The following EYS variants were observed in gnomAD, a reference collection of about 807,000 sequenced individuals.
EYS encodes the protein EGF-like photoreceptor maintenance factor.
In EYS, 250 loss-of-function variants were observed where a neutral mutation model predicts 282.1. The ratio of observed to expected loss-of-function variants is 0.89; its 90% confidence interval spans 0.80 to 0.98. EYS has a LOEUF of 0.98. EYS is among the 50% of genes least tolerant of loss of function. The pLI is 0.00. For synonymous variants in EYS, 1,355 were observed against 1,282.9 expected, an observed-to-expected ratio of 1.06 and a Z score of -1.20; for missense variants, 4,016 against 3,709.0, an observed-to-expected ratio of 1.08 and a Z score of -2.15.
At position 64,298,591 on chromosome 6, in the gene EYS, C is replaced by A. The variant is rs368827298; in HGVS notation, c.6191+8379G>T. Among the ~76,000 whole-genome samples the A allele has an allele frequency of 5.9e-4, 90 of 151,720 alleles. No homozygotes were observed. The East Asian group carries it at 6.0e-3, about 10-fold the overall frequency. On this transcript the variant is annotated intron_variant, in intron 30 of 42. Transcript: ENST00000503581. ...TTCACTATAAAAGATAAACTAAACA[C>A]AAAAAGATGGTAATGTAAAAAATGA...
intron 13 of EYS, among the ~76,000 whole-genome samples, chr6:65,047,453 C>T (rs1773137708): frequency 1.3e-5 from 2 of 151,816 alleles, no homozygotes; most frequent in Non-Finnish European, 2.9e-5. Flanking sequence ...AGCTCTAAGT[C>T]CCAAATATTT....
intron 8 of EYS, among the ~76,000 whole-genome samples, chr6:65,374,462 A>G (rs1438236591): frequency 1.3e-5 from 2 of 150,138 alleles, no homozygotes; most frequent in Non-Finnish European, 3.0e-5. Context: ...CAAGCACAAA[A>G]CTGGGAGGCT....
chr6:64,783,362 A>T (rs1300373153), intron 22 of EYS, among the ~76,000 whole-genome samples: 4 of 151,172 alleles, frequency 2.6e-5, no homozygotes, highest in African/African-American at 9.7e-5. Flanking sequence ...ATATATACAT[A>T]TTATATATAC....
chr6:65,486,503 C>G (rs1008287267), intron 5 of EYS, among the ~76,000 whole-genome samples: 3 of 152,148 alleles, frequency 2.0e-5, no homozygotes, highest in African/African-American at 4.8e-5. Context: ...AGTTTTTGAA[C>G]ATTACAGTAA....
intron 26 of EYS, among the ~76,000 whole-genome samples, chr6:64,543,441 A>G (rs1764749443): frequency 6.6e-6 from 1 of 152,164 alleles, no homozygotes; most frequent in Admixed American, 6.5e-5. Flanking sequence ...TAGAAAAAAT[A>G]TAATGGGACA....
intron 22 of EYS, among the ~76,000 whole-genome samples, chr6:64,677,129 C>A (rs1258031703): frequency 6.6e-6 from 1 of 152,136 alleles, no homozygotes; most frequent in Non-Finnish European, 1.5e-5. Context: ...ATTATCACAT[C>A]TAACAATATT....
chr6:65,617,689 C>T (rs1302789103), intron 2 of EYS, among the ~76,000 whole-genome samples: 2 of 145,550 alleles, frequency 1.4e-5, no homozygotes, highest in South Asian at 2.3e-4. Context: ...TCTCCCAATG[C>T]TATCCCTCCC....
At chr6:64,145,641 CTT>C (rs141540084) in intron 31 of EYS, among the ~76,000 whole-genome samples, 3 of 152,082 alleles carry the variant, frequency 2.0e-5, no homozygotes, top group African/African-American at 4.8e-5. Context: ...AAAACCTTAT[CTT>C]TTTTTCTTTA....
At chr6:64,443,033 A>G (rs1243670804) in intron 26 of EYS, among the ~76,000 whole-genome samples, 1 of 152,154 alleles carries the variant, frequency 6.6e-6, no homozygotes, top group Non-Finnish European at 1.5e-5. Flanking sequence ...TGCACCTGGA[A>G]AAGCCACAGA....
intron 12 of EYS, among the ~76,000 whole-genome samples, chr6:65,103,264 T>G (rs1774943330): frequency 6.6e-6 from 1 of 151,482 alleles, no homozygotes; most frequent in Non-Finnish European, 1.5e-5. Flanking sequence ...GGTGTTAAAA[T>G]AAATACATGC....
intron 12 of EYS, among the ~76,000 whole-genome samples, chr6:65,163,604 A>G (rs1764902270): frequency 6.6e-6 from 1 of 151,308 alleles, no homozygotes; most frequent in South Asian, 2.1e-4. Flanking sequence ...AGGATTGCCA[A>G]TATAGTTATT....
chr6:63,960,515 C>T (rs551620556), intron 35 of EYS, among the ~76,000 whole-genome samples: 1 of 152,242 alleles, frequency 6.6e-6, no homozygotes, highest in East Asian at 1.9e-4. Flanking sequence ...GAAACAAGTT[C>T]TGGGTTTCAA....
At chr6:63,844,422 A>G (rs1772044946) in intron 36 of EYS, among the ~76,000 whole-genome samples, 1 of 152,106 alleles carries the variant, frequency 6.6e-6, no homozygotes. Flanking sequence ...GTCTTTGAGG[A>G]ATGTCCACAC....
chr6:64,754,988 G>A (rs1464784463), intron 22 of EYS, among the ~76,000 whole-genome samples: 2 of 152,060 alleles, frequency 1.3e-5, no homozygotes, highest in Non-Finnish European at 2.9e-5. Flanking sequence ...AACCGGAACC[G>A]AGGAAGTCAA....
At chr6:65,151,508 T>G (rs186766196) in intron 12 of EYS, among the ~76,000 whole-genome samples, 143 of 152,088 alleles carry the variant, frequency 9.4e-4, no homozygotes, top group African/African-American at 3.3e-3. Context: ...GTGATACTGC[T>G]CTGACTAGGT....
rs906887155 is a variant in EYS at position 64,318,512 on chromosome 6, T to A, written c.6079-11430A>T. On this transcript the variant is annotated intron_variant, in intron 29 of 42. Transcript: ENST00000503581. ...TAAATACAAACACATCACAATTTTT[T>A]AAAATCATGTATCTAATCATTTGAT... Among the ~76,000 whole-genome samples the A allele has an allele frequency of 2.6e-5, 4 of 152,142 alleles. No individual in the cohort carries two copies. In the South Asian group the frequency reaches 8.3e-4, roughly 32 times the overall value.
chr6:65,121,741 T>C (rs72879882), intron 12 of EYS, among the ~76,000 whole-genome samples: 19,912 of 152,062 alleles, frequency 0.13, 1,442 homozygotes, highest in Admixed American at 0.16. Flanking sequence ...CAGTGATACG[T>C]GTATAATAAA....
chr6:64,913,685 T>G (rs1768073956), intron 15 of EYS, among the ~76,000 whole-genome samples: 1 of 152,166 alleles, frequency 6.6e-6, no homozygotes, highest in Admixed American at 6.5e-5. Flanking sequence ...GGTTCCATGA[T>G]TTTGCTCTTG....
intron 13 of EYS, among the ~76,000 whole-genome samples, chr6:65,002,615 A>T (rs548970925): frequency 7.5e-5 from 11 of 147,578 alleles, no homozygotes; most frequent in African/African-American, 2.7e-4. Context: ...GTTAAATCCT[A>T]CTGTTTCTAA....
Sources: allele counts gnomAD v4.1 joint callset (sites outside exome capture counted in the v4.1 genomes callset), GRCh38; gene constraint gnomAD v4.1.1; transcripts MANE v1.5; gene names NCBI Gene and HGNC (gene_info 2026-07-23, HGNC 2026-07-21).